Variants in CNST observed in about 807,000 individuals in gnomAD.
The protein encoded by CNST is consortin, connexin sorting protein, also known as consortin.
Under a neutral mutation model 72.4 loss-of-function variants are expected in CNST, and 39 were observed. The ratio of observed to expected loss-of-function variants is 0.54; its 90% CI spans 0.42 to 0.70. The LOEUF is 0.70. Among genes scored for constraint, CNST ranks in the 30% least tolerant of loss-of-function variants. The pLI, the probability that CNST is intolerant of heterozygous loss-of-function variation, is 0.00. For missense variants in CNST, 871 were observed against 868.5 expected (o/e 1.00, Z -0.04); for synonymous variants, 332 against 320.1 (o/e 1.04, Z -0.40).
intron 2 of CNST, among the ~76,000 whole-genome samples, chr1:246,619,489 C>T (rs1389981049): frequency 1.3e-5 from 2 of 152,164 alleles, no homozygotes; most frequent in Non-Finnish European, 2.9e-5. Context: ...AACCCCTGTG[C>T]TGCCAGCGTT....
In CNST at chr1:246,647,290, G is replaced by C. The variant is rs149614716; in HGVS notation, c.1089G>C (p.Leu363=). 2 of 1,614,024 alleles carry C rather than the reference G, an allele frequency of 1.2e-6. No individual in the cohort carries two copies. The highest frequency in any genetic ancestry group is 2.7e-5 in the African/African-American group (2 of 74,946). Residue 363 remains leucine, a synonymous_variant, in exon 9 of 11, where the codon CTG becomes CTC. Coordinates refer to ENST00000366513, the MANE Select transcript of CNST (RefSeq NM_152609.3). ...CAGGAAAGGACCACATGGAGGAGCT[G>C]CTCTGCAGCGCTGAAGCCACGTTAG... ...VTAGKDHMEE[L]LCSAEATLAL...
At chr1:246,574,184 G>A (rs1213901189) in intron 1 of CNST, among the ~76,000 whole-genome samples, 2 of 152,112 alleles carry the variant, frequency 1.3e-5, no homozygotes, top group African/African-American at 2.4e-5. Flanking sequence ...TGGGACTACA[G>A]GCACCCGCCA....
chr1:246,633,577 C>T (rs1306876524), intron 4 of CNST, among the ~76,000 whole-genome samples: 1 of 151,690 alleles, frequency 6.6e-6, no homozygotes, highest in Non-Finnish European at 1.5e-5. Flanking sequence ...CCCGTCTCTA[C>T]TAAAAATACA....
intron 1 of CNST, among the ~76,000 whole-genome samples, chr1:246,588,669 A>G (rs1309655093): frequency 6.6e-6 from 1 of 152,224 alleles, no homozygotes. Context: ...AGTTTATTCA[A>G]TATATCTAAA....
intron 2 of CNST, among the ~76,000 whole-genome samples, chr1:246,604,177 C>T (rs1182119716): frequency 6.6e-6 from 1 of 152,036 alleles, no homozygotes. Context: ...TTGCTTGAAC[C>T]CGGGTGGCAG....
intron 1 of CNST, among the ~76,000 whole-genome samples, chr1:246,573,496 G>A (rs1338391510): frequency 6.6e-6 from 1 of 152,188 alleles, no homozygotes; most frequent in African/African-American, 2.4e-5. Context: ...TATTATATCA[G>A]GTGGCCTCTT....
chr1:246,635,047 C>T (rs980859623), intron 6 of CNST, among the ~76,000 whole-genome samples: 5 of 152,186 alleles, frequency 3.3e-5, no homozygotes, highest in Admixed American at 2.6e-4. Flanking sequence ...AGTGGCCTCG[C>T]GCCTTGGGAC....
At chr1:246,582,989 T>C (rs1033162462) in intron 1 of CNST, among the ~76,000 whole-genome samples, 2 of 152,230 alleles carry the variant, frequency 1.3e-5, no homozygotes, top group African/African-American at 4.8e-5. Context: ...CCTGACCCTG[T>C]TGTCCGCCCG....
intron 3 of CNST, among the ~76,000 whole-genome samples, chr1:246,624,993 T>C (rs1664323574): frequency 6.6e-6 from 1 of 152,202 alleles, no homozygotes; most frequent in South Asian, 2.1e-4. Flanking sequence ...ACACGTATTT[T>C]TTCCATTGAA....
rs1665026876 is a variant in CNST, at chr1:246,634,600, G to A, written c.818+13G>A. ...CAACACATCAAGAGTAAGTATATCA[G>A]AATTTCGTTAGAATGAGTTGGAGTA... On this transcript the variant is annotated intron_variant, in intron 6 of 10. Transcript: ENST00000366513. 1 of 1,425,814 alleles carries A rather than the reference G, an allele frequency of 7.0e-7. No homozygotes were observed. The highest frequency in any genetic ancestry group is 1.2e-5 in the South Asian group (1 of 81,620). 88.3% of individuals were successfully genotyped at this position (1,425,814 alleles called of 1,614,324 possible).
chr1:246,625,800 T>A (rs188613526), intron 3 of CNST, among the ~76,000 whole-genome samples: 108 of 152,274 alleles, frequency 7.1e-4, no homozygotes, highest in African/African-American at 2.4e-3. Context: ...CCCAATTCTC[T>A]CTTGAACTGA....
chr1:246,566,545 C>A lies in CNST; in HGVS notation c.-170C>A. ...GAAAGGCGAGAGGTGTCTCCTCCAC[C>A]GGAGCCAGGGGAGACCCGAGCAAGC... On this transcript the variant is annotated 5_prime_UTR_variant, in exon 1 of 11. Coordinates refer to ENST00000366513, the MANE Select transcript of CNST (RefSeq NM_152609.3). 4.7e-6 allele frequency: 2 copies of A among 423,864 alleles called. No homozygotes were observed. The highest frequency in any genetic ancestry group is 4.2e-6 in the Non-Finnish European group (1 of 238,060). The allele number at this position is 423,864 out of a possible 1,614,324, so 26.3% of individuals were successfully genotyped here. A position where few individuals can be genotyped will look rare whatever the true frequency, so the allele number is the denominator to read the frequency against.
intron 1 of CNST, chr1:246,566,929 T>G: frequency 1.3e-5 from 4 of 319,248 alleles, no homozygotes; most frequent in Non-Finnish European, 1.7e-5. Flanking sequence ...CCAGAAGTCG[T>G]TCCTCACCCG....
rs560381250 is a variant in CNST, at chr1:246,590,103, C to T, written c.-51-1409C>T. 1.3e-4 allele frequency among the ~76,000 whole-genome samples: 20 copies of T among 152,210 alleles called. No homozygotes were observed. The South Asian group carries it at 2.1e-3, about 16-fold the overall frequency. ...CATTAAAGAAGGAAGAGGCTTTATT[C>T]GGGCGGGAGCTTTGGCAGACTTGCA... On this transcript the variant is annotated intron_variant, in intron 1 of 10. Coordinates refer to ENST00000366513, the MANE Select transcript of CNST (RefSeq NM_152609.3).
At chr1:246,626,565 T>C (rs1160557004) in intron 3 of CNST, among the ~76,000 whole-genome samples, 1 of 149,986 alleles carries the variant, frequency 6.7e-6, no homozygotes, top group Non-Finnish European at 1.5e-5. Flanking sequence ...TCAGGTGATC[T>C]CCTGTCTCAG....
chr1:246,618,875 A>T (rs183799529), intron 2 of CNST, among the ~76,000 whole-genome samples: 2 of 152,154 alleles, frequency 1.3e-5, no homozygotes, highest in East Asian at 3.9e-4. Context: ...CCCTTTTTTG[A>T]TCTCCTTTGG....
intron 9 of CNST, among the ~76,000 whole-genome samples, chr1:246,657,172 C>A (rs761922828): frequency 6.6e-6 from 1 of 152,092 alleles, no homozygotes; most frequent in Non-Finnish European, 1.5e-5. Flanking sequence ...AGAAAAAATT[C>A]TGTTACAGGT....
intron 10 of CNST, 110 bp downstream of exon 10, chr1:246,660,444 C>T (rs562964608): frequency 6.0e-5 from 74 of 1,231,642 alleles, no homozygotes; most frequent in African/African-American, 2.9e-4. Flanking sequence ...AGACTATGTC[C>T]GCCAGGCACG....
Position 246,647,924 on chromosome 1 carries a change from C to T in CNST, c.1723C>T (p.Leu575Phe). Residue 575 changes from leucine (L) to phenylalanine (F), a missense_variant, in exon 9 of 11, where the codon CTC becomes TTC. Leu to Phe is a conservative substitution (Grantham distance 22). Coordinates refer to ENST00000366513, the MANE Select transcript of CNST (RefSeq NM_152609.3). ...YEDNQDDDSD[L>F]LQDLSPEEAS... ...AGATAACCAAGACGACGACTCCGAT[C>T]TCCTTCAAGATCTCTCTCCTGAAGA... The T allele has an allele frequency of 6.2e-7, 1 of 1,613,766 alleles. No individual in the cohort carries two copies.
Sources: gnomAD v4.1 joint callset for allele counts (sites outside exome capture counted in the v4.1 genomes callset) on GRCh38, gnomAD v4.1.1 for gene constraint, MANE v1.5 for transcripts, NCBI Gene and HGNC (gene_info 2026-07-23, HGNC 2026-07-21) for gene names.